The following SORCS1 variants were observed in gnomAD, a reference collection of about 807,000 sequenced individuals.
SORCS1 encodes the protein VPS10 domain-containing receptor SorCS1.
SORCS1 carries 60 observed loss-of-function variants against 146.1 expected under a neutral mutation model. The ratio of observed to expected loss-of-function variants is 0.41; its 90% CI spans 0.33 to 0.51. The LOEUF is 0.51. Among genes scored for constraint, SORCS1 ranks in the 20% least tolerant of loss-of-function variants. The probability of loss-of-function intolerance (pLI) is 0.21; values close to 1 mark genes in which losing one functional copy is unlikely to be tolerated. For missense variants in SORCS1, 1,352 were observed against 1,487.6 expected, an observed-to-expected ratio of 0.91 and a Z score of 1.50; for synonymous variants, 637 against 584.0, an observed-to-expected ratio of 1.09 and a Z score of -1.31.
intron 8 of SORCS1, among the ~76,000 whole-genome samples, chr10:106,699,854 A>C (rs977123002): frequency 5.3e-5 from 8 of 152,196 alleles, no homozygotes; most frequent in African/African-American, 1.9e-4. Context: ...ATCACCTGGA[A>C]GCTTATTAAA....
At chr10:107,141,396 T>C (rs1308879330) in intron 1 of SORCS1, among the ~76,000 whole-genome samples, 1 of 152,132 alleles carries the variant, frequency 6.6e-6, no homozygotes, top group Non-Finnish European at 1.5e-5. Context: ...CAGAGCCTAT[T>C]GTTAACATTG....
intron 1 of SORCS1, among the ~76,000 whole-genome samples, chr10:106,987,010 T>A (rs74152293): frequency 7.7e-4 from 117 of 152,342 alleles, no homozygotes; most frequent in African/African-American, 2.7e-3. Flanking sequence ...CCACTTTCTC[T>A]GTATGACTAG....
intron 3 of SORCS1, among the ~76,000 whole-genome samples, chr10:106,784,998 TC>T (rs1194087778): frequency 2.0e-5 from 3 of 152,156 alleles, no homozygotes; most frequent in Non-Finnish European, 4.4e-5. Flanking sequence ...GTGAACAGAA[TC>T]CATCCACATT....
intron 2 of SORCS1, among the ~76,000 whole-genome samples, chr10:106,840,713 GTTATT>G (rs988283351): frequency 2.6e-5 from 4 of 151,712 alleles, no homozygotes; most frequent in African/African-American, 9.7e-5. Context: ...AAACTTTATT[GTTATT>G]TTATTTTAAG....
At chr10:106,925,232 T>C (rs1175453421) in intron 2 of SORCS1, among the ~76,000 whole-genome samples, 3 of 152,014 alleles carry the variant, frequency 2.0e-5, no homozygotes, top group Admixed American at 6.6e-5. Flanking sequence ...CTTTTCCCTA[T>C]CCTATCTGCC....
chr10:106,640,402 T>C (rs1005389421), intron 18 of SORCS1, among the ~76,000 whole-genome samples: 1 of 152,256 alleles, frequency 6.6e-6, no homozygotes, highest in African/African-American at 2.4e-5. Flanking sequence ...AGTCTTTGTA[T>C]GTAAATTGAA....
intron 2 of SORCS1, among the ~76,000 whole-genome samples, chr10:106,933,144 T>A (rs1333746261): frequency 6.6e-6 from 1 of 152,190 alleles, no homozygotes; most frequent in Admixed American, 6.5e-5. Flanking sequence ...GGAGAACATG[T>A]TCACTGAAAC....
chr10:106,875,366 G>C (rs1342091280), intron 2 of SORCS1, among the ~76,000 whole-genome samples: 1 of 152,184 alleles, frequency 6.6e-6, no homozygotes, highest in Non-Finnish European at 1.5e-5. Flanking sequence ...TCGTTGGTCA[G>C]TGGGCACTTA....
chr10:107,048,459 G>A (rs766204677), intron 1 of SORCS1, among the ~76,000 whole-genome samples: 1 of 152,144 alleles, frequency 6.6e-6, no homozygotes, highest in Non-Finnish European at 1.5e-5. Flanking sequence ...TTCAATTAGG[G>A]TATAAATTCC....
At chr10:106,666,298 G>T (rs1327241547) in intron 17 of SORCS1, among the ~76,000 whole-genome samples, 2 of 152,198 alleles carry the variant, frequency 1.3e-5, no homozygotes, top group African/African-American at 4.8e-5. Flanking sequence ...TCTGCCTGAT[G>T]GCATTCATAT....
At chr10:106,930,434 C>T (rs1953357892) in intron 2 of SORCS1, among the ~76,000 whole-genome samples, 1 of 152,236 alleles carries the variant, frequency 6.6e-6, no homozygotes, top group African/African-American at 2.4e-5. Context: ...GGCAGGGCTG[C>T]TGTATATTGA....
chr10:106,682,880 G>A (rs1388838432), intron 10 of SORCS1, among the ~76,000 whole-genome samples: 2 of 152,154 alleles, frequency 1.3e-5, no homozygotes, highest in Non-Finnish European at 2.9e-5. Context: ...AACCACCAAT[G>A]CCAGCAGCTG....
At chr10:106,578,962 A>G in intron 25 of SORCS1, 1 of 1,441,690 alleles carries the variant, frequency 6.9e-7, no homozygotes, top group Non-Finnish European at 9.1e-7. Context: ...GGAAAAAGCC[A>G]TCTTAGCTGT....
At chr10:107,116,255 G>A (rs947462206) in intron 1 of SORCS1, among the ~76,000 whole-genome samples, 3 of 152,130 alleles carry the variant, frequency 2.0e-5, no homozygotes, top group East Asian at 1.9e-4. Context: ...CAGCAATCTC[G>A]CCCTGGGACT....
At position 106,878,620 on chromosome 10, in the gene SORCS1, GTATATATATATA is replaced by G. The variant is rs3982430; in HGVS notation, c.627-48959_627-48948del. On this transcript the variant is annotated intron_variant, in intron 2 of 25. Coordinates refer to ENST00000263054, the MANE Select transcript of SORCS1 (RefSeq NM_052918.5). ...AAATTTGTTTTTTATAAACTACCTA[GTATATATATATA>G]TATATATATATATATATTTTATAGC... Among the ~76,000 whole-genome samples the G allele has an allele frequency of 3.2e-4, 27 of 84,924 alleles. 1 individual carries two copies. In the South Asian group the frequency reaches 3.7e-3, roughly 12 times the overall value. 55.7% of individuals were successfully genotyped at this position (84,924 alleles called of 152,430 possible).
intron 16 of SORCS1, 105 bp downstream of exon 16, chr10:106,671,132 A>C (rs946156806): frequency 1.4e-6 from 2 of 1,481,374 alleles, no homozygotes; most frequent in African/African-American, 2.8e-5. Flanking sequence ...GAAGCTGGCC[A>C]CTTAGCCCTA....
At chr10:106,613,849 G>A (rs1276714278) in intron 21 of SORCS1, among the ~76,000 whole-genome samples, 1 of 151,788 alleles carries the variant, frequency 6.6e-6, no homozygotes, top group African/African-American at 2.4e-5. Context: ...GTACTTCCCT[G>A]TGCTCCTCAA....
chr10:107,112,281 T>C (rs185538759), intron 1 of SORCS1, among the ~76,000 whole-genome samples: 4 of 152,218 alleles, frequency 2.6e-5, no homozygotes, highest in African/African-American at 9.6e-5. Flanking sequence ...AGAGTTCTTG[T>C]ATGCAAAATA....
intron 5 of SORCS1, among the ~76,000 whole-genome samples, chr10:106,739,581 G>A (rs1857209008): frequency 6.6e-6 from 1 of 152,062 alleles, no homozygotes; most frequent in Non-Finnish European, 1.5e-5. Context: ...GGCCGAGGCA[G>A]GTGGATCACG....
Sources: allele counts gnomAD v4.1 joint callset (sites outside exome capture counted in the v4.1 genomes callset), GRCh38; gene constraint gnomAD v4.1.1; transcripts MANE v1.5; gene names NCBI Gene and HGNC (gene_info 2026-07-23, HGNC 2026-07-21).